ANKRD45: variants seen among roughly 807,000 people sequenced by gnomAD.
ANKRD45 encodes ankyrin repeat domain-containing protein 45.
ANKRD45 carries 21 observed loss-of-function variants against 28.1 expected under a neutral mutation model. The observed-to-expected ratio is 0.75, with a 90% CI of 0.53 to 1.08. ANKRD45 has a LOEUF of 1.08. Among genes scored for constraint, ANKRD45 ranks in the 50% least tolerant of loss-of-function variants. The pLI is 0.00. For missense variants in ANKRD45, 261 were observed against 308.7 expected, an observed-to-expected ratio of 0.85 and a Z score of 1.16; for synonymous variants, 86 against 103.9, an observed-to-expected ratio of 0.83 and a Z score of 1.05.
intron 5 of ANKRD45, among the ~76,000 whole-genome samples, chr1:173,620,858 A>G (rs1310836364): frequency 7.9e-5 from 12 of 152,184 alleles, no homozygotes; most frequent in Admixed American, 5.2e-4. Context: ...AAAAAAATCA[A>G]TGAATCCAGG....
intron 2 of ANKRD45, chr1:173,657,400 G>A (rs564675858): frequency 5.2e-5 from 13 of 251,834 alleles, no homozygotes; most frequent in Admixed American, 7.9e-5. Flanking sequence ...CCCAGGAGGT[G>A]GAGGCTGTAG....
chr1:173,679,690 C>G, the ANKRD45 span, among the ~76,000 whole-genome samples: 5 of 152,138 alleles, frequency 3.3e-5, no homozygotes, highest in Admixed American at 6.5e-5. Flanking sequence ...CCAAAATAGA[C>G]AAATGGGATC....
At chr1:173,702,256 A>G in the ANKRD45 span, among the ~76,000 whole-genome samples, 3 of 152,228 alleles carry the variant, frequency 2.0e-5, no homozygotes, top group Non-Finnish European at 4.4e-5. Context: ...TTTGAAGATC[A>G]GGGTTAAAAT....
At position 173,610,061 on chromosome 1, in the gene ANKRD45, A is replaced by G; in HGVS notation, c.*84T>C. On this transcript the variant is annotated 3_prime_UTR_variant, in exon 6 of 6. Transcript: ENST00000333279. The stretch of plus-strand genomic sequence containing the variant: ...TACTTAAATACTTAAAGAAACCCAC[A>G]TCTGTTTTCTCGATTTCAAATGGCA... 1.5e-6 allele frequency: 2 copies of G among 1,343,582 alleles called. No homozygotes were observed. Among genetic ancestry groups the G allele is most frequent in the Admixed American group, 3.7e-5 (2 of 54,648 alleles). The allele number at this position is 1,343,582 out of a possible 1,614,324, so 83.2% of individuals were successfully genotyped here. A position where few individuals can be genotyped will look rare whatever the true frequency, so the allele number is the denominator to read the frequency against.
At chr1:173,714,584 T>C in the ANKRD45 span, among the ~76,000 whole-genome samples, 7 of 152,216 alleles carry the variant, frequency 4.6e-5, no homozygotes, top group Non-Finnish European at 1.0e-4. Context: ...CCAACCCATG[T>C]GTGCATGCAA....
intron 1 of ANKRD45, among the ~76,000 whole-genome samples, chr1:173,660,096 A>G (rs1302918352): frequency 1.3e-5 from 2 of 151,956 alleles, no homozygotes; most frequent in Non-Finnish European, 2.9e-5. Context: ...TTTTTTTTTC[A>G]CAACAGACAG....
At chr1:173,613,655 C>T (rs1414276135) in intron 5 of ANKRD45, among the ~76,000 whole-genome samples, 2 of 143,594 alleles carry the variant, frequency 1.4e-5, no homozygotes, top group Non-Finnish European at 3.0e-5. Flanking sequence ...GGAGGGGGGT[C>T]AGCCCCCGCC....
chr1:173,659,512 T>A lies in ANKRD45; in HGVS notation c.-15-79A>T, dbSNP rs558091793. ...TTGTTTATTTATTTGCTCAGTCAAC[T>A]GACAATATAGATGGTATAAAAATAC... On this transcript the variant is annotated intron_variant, in intron 1 of 5. Transcript: ENST00000333279. 7.3e-5 allele frequency: 91 copies of A among 1,244,064 alleles called. 1 individual carries two copies. The African/African-American group carries it at 1.2e-3, about 17-fold the overall frequency. 77.1% of individuals were successfully genotyped at this position (1,244,064 alleles called of 1,614,324 possible). A position where few individuals can be genotyped will look rare whatever the true frequency, so the allele number is the denominator to read the frequency against.
the ANKRD45 span, among the ~76,000 whole-genome samples, chr1:173,693,809 G>C: frequency 3.9e-5 from 6 of 152,178 alleles, no homozygotes; most frequent in African/African-American, 1.4e-4. Flanking sequence ...GATTTCTTCT[G>C]ATTACTGGTC....
chr1:173,628,728 C>A (rs143061558), intron 3 of ANKRD45, among the ~76,000 whole-genome samples: 1 of 152,144 alleles, frequency 6.6e-6, no homozygotes, highest in African/African-American at 2.4e-5. Flanking sequence ...TACGGAAGGA[C>A]GCATGCCTGG....
intron 1 of ANKRD45, among the ~76,000 whole-genome samples, chr1:173,662,827 G>A (rs1377306817): frequency 6.6e-6 from 1 of 151,936 alleles, no homozygotes; most frequent in Non-Finnish European, 1.5e-5. Flanking sequence ...AGGAGAGGGA[G>A]GAAAAAAAGC....
the ANKRD45 span, among the ~76,000 whole-genome samples, chr1:173,701,356 A>G: frequency 2.6e-5 from 4 of 152,252 alleles, no homozygotes; most frequent in South Asian, 8.3e-4. Context: ...GCTACTATAA[A>G]GACACATGTA....
chr1:173,627,117 A>G lies in ANKRD45; in HGVS notation c.539T>C (p.Leu180Ser). The change falls in exon 4 of 6, where the codon TTA becomes TCA. Residue 180 changes from leucine (L) to serine (S), a missense_variant. By Grantham distance (145) the Leu-to-Ser change is moderately radical. Transcript: ENST00000333279. ...TCCCTTTTCTGTGTCAGTAACAGCT[A>G]AAGAGACTTTTGCAATATATTTTTT... is the stretch of plus-strand genomic sequence containing the variant. ...TLKKYIAKVSLAVTDTEKGSG... is the reference protein window; with the variant it reads ...TLKKYIAKVSSAVTDTEKGSG... 1.9e-6 allele frequency: 3 copies of G among 1,613,160 alleles called. No individual in the cohort carries two copies. The highest frequency in any genetic ancestry group is 2.5e-6 in the Non-Finnish European group (3 of 1,179,694).
intron 5 of ANKRD45, among the ~76,000 whole-genome samples, chr1:173,615,055 G>A (rs1199108625): frequency 6.6e-6 from 1 of 152,016 alleles, no homozygotes; most frequent in Non-Finnish European, 1.5e-5. Context: ...CCAACCTCCA[G>A]TAATCCACCC....
At chr1:173,687,395 C>G in the ANKRD45 span, among the ~76,000 whole-genome samples, 10 of 151,480 alleles carry the variant, frequency 6.6e-5, no homozygotes, top group African/African-American at 2.4e-4. Flanking sequence ...TTTAAACAAC[C>G]AGTTAATTTA....
At chr1:173,691,066 C>T in the ANKRD45 span, among the ~76,000 whole-genome samples, 1 of 152,192 alleles carries the variant, frequency 6.6e-6, no homozygotes, top group African/African-American at 2.4e-5. Flanking sequence ...TCTAAGCCAC[C>T]CCAACCAAGG....
the ANKRD45 span, among the ~76,000 whole-genome samples, chr1:173,679,787 A>T: frequency 6.6e-6 from 1 of 152,252 alleles, no homozygotes; most frequent in Admixed American, 6.5e-5. Context: ...AATTTTTGCA[A>T]TCTGTCCATC....
intron 1 of ANKRD45, 38 bp downstream of exon 1, chr1:173,669,779 C>A: frequency 4.6e-6 from 1 of 219,776 alleles, no homozygotes; most frequent in South Asian, 7.8e-5. Flanking sequence ...TCCCCAAGTG[C>A]CCACCCCGGC....
chr1:173,628,819 C>A (rs1202666344), intron 3 of ANKRD45, among the ~76,000 whole-genome samples: 1 of 152,212 alleles, frequency 6.6e-6, no homozygotes, highest in African/African-American at 2.4e-5. Context: ...CACCACAGGC[C>A]TTGGGCAAGA....
Sources: allele counts gnomAD v4.1 joint callset (sites outside exome capture counted in the v4.1 genomes callset), GRCh38; gene constraint gnomAD v4.1.1; transcripts MANE v1.5; gene names NCBI Gene and HGNC (gene_info 2026-07-23, HGNC 2026-07-21).